AGPAT4: variants seen among roughly 807,000 people sequenced by gnomAD.
AGPAT4 encodes 1-acyl-sn-glycerol-3-phosphate acyltransferase delta.
Under a neutral mutation model 48.0 loss-of-function variants are expected in AGPAT4, and 15 were observed. The observed-to-expected ratio is 0.31, with a 90% CI of 0.21 to 0.48. The LOEUF is 0.48. Among genes scored for constraint, AGPAT4 ranks in the 20% least tolerant of loss-of-function variants. The pLI, the probability that AGPAT4 is intolerant of heterozygous loss-of-function variation, is 0.99. For synonymous variants in AGPAT4, 178 were observed against 198.7 expected (o/e 0.90, Z 0.88); for missense variants, 314 against 482.5 (o/e 0.65, Z 3.27).
chr6:161,248,308 C>T (rs1326732371), intron 1 of AGPAT4, among the ~76,000 whole-genome samples: 1 of 152,136 alleles, frequency 6.6e-6, no homozygotes, highest in African/African-American at 2.4e-5. Flanking sequence ...GGCGCGGTGG[C>T]TCACGCCTGT....
rs1177600434 is a variant in AGPAT4, at chr6:161,140,933, C to T, written c.844-1313G>A. Among the ~76,000 whole-genome samples the T allele has an allele frequency of 3.9e-5, 6 of 152,220 alleles. No individual in the cohort carries two copies. Among genetic ancestry groups the T allele is most frequent in the African/African-American group, 1.4e-4 (6 of 41,454 alleles). ...GTCCCATGAACTAGCCTAGTAATGT[C>T]CCAGTTCTCTAAGGAGTCGAGTTTT... On this transcript the variant is annotated intron_variant, in intron 7 of 8. Transcript: ENST00000320285. This position sits in a 1 kb window ranked among gnomAD's most constrained non-coding sequence, Gnocchi z 6.5.
intron 2 of AGPAT4, among the ~76,000 whole-genome samples, chr6:161,191,399 T>C (rs951836782): frequency 2.0e-5 from 3 of 152,164 alleles, no homozygotes; most frequent in African/African-American, 7.2e-5. Context: ...AATAATACCA[T>C]TGCCATATAA....
In AGPAT4 at chr6:161,216,963, C is replaced by G. The variant is rs922559893; in HGVS notation, c.178+15073G>C. Among the ~76,000 whole-genome samples the G allele has an allele frequency of 6.6e-6, 1 of 152,336 alleles. No individual in the cohort carries two copies. The highest frequency in any genetic ancestry group is 1.5e-5 in the Non-Finnish European group (1 of 68,040). On this transcript the variant is annotated intron_variant, in intron 2 of 8. Transcript: ENST00000320285. This position sits in a 1 kb window ranked among gnomAD's most constrained non-coding sequence, Gnocchi z 4.8. ...AATCCCTGCTTCTGTCTTAATTTGACTTTCCCCTCACACGTGGCTCTGATT... is the reference window on the plus strand; with the variant it reads ...AATCCCTGCTTCTGTCTTAATTTGAGTTTCCCCTCACACGTGGCTCTGATT...
Position 161,139,661 on chromosome 6 carries a change from C to T in AGPAT4, c.844-41G>A, listed in dbSNP as rs779673784. The T allele has an allele frequency of 2.8e-5, 43 of 1,533,856 alleles. No individual in the cohort carries two copies. Among genetic ancestry groups the T allele is most frequent in the Non-Finnish European group, 3.5e-5 (40 of 1,131,654 alleles). The stretch of plus-strand genomic sequence containing the variant: ...GAGGACCCTCAGACGCCACACGGGG[C>T]TCGGTGGCAGGTCCCTCCCGAGGCC... On this transcript the variant is annotated intron_variant, in intron 7 of 8. Transcript: ENST00000320285. This position sits in a 1 kb window ranked among gnomAD's most constrained non-coding sequence, Gnocchi z 9.1.
chr6:161,177,719 A>C lies in AGPAT4; in HGVS notation c.179-11302T>G, dbSNP rs1187271528. 6.6e-6 allele frequency among the ~76,000 whole-genome samples: 1 copy of C among 152,206 alleles called. No homozygotes were observed. The highest frequency in any genetic ancestry group is 2.4e-5 in the African/African-American group (1 of 41,454). ...AGGAGCTGCATTCCTTTGGAGTAGA[A>C]GAGGCACTCTGATTTTTAGAATTTT... is the stretch of plus-strand genomic sequence containing the variant. On this transcript the variant is annotated intron_variant, in intron 2 of 8. Coordinates refer to ENST00000320285, the MANE Select transcript of AGPAT4 (RefSeq NM_020133.3). The surrounding 1 kb of genome is among the most constrained non-coding windows in gnomAD (Gnocchi z 5.0).
At chr6:161,186,380 T>C (rs1476583952) in intron 2 of AGPAT4, among the ~76,000 whole-genome samples, 1 of 152,142 alleles carries the variant, frequency 6.6e-6, no homozygotes, top group African/African-American at 2.4e-5. Flanking sequence ...TGCAGCCACA[T>C]GGTATGTTTC....
In AGPAT4 at chr6:161,216,749, C is replaced by G. The variant is rs557606272; in HGVS notation, c.178+15287G>C. Among the ~76,000 whole-genome samples the G allele has an allele frequency of 2.2e-4, 34 of 152,266 alleles. No homozygotes were observed. The highest frequency in any genetic ancestry group is 7.5e-4 in the African/African-American group (31 of 41,544). On this transcript the variant is annotated intron_variant, in intron 2 of 8. Coordinates refer to ENST00000320285, the MANE Select transcript of AGPAT4 (RefSeq NM_020133.3). The surrounding 1 kb of genome is among the most constrained non-coding windows in gnomAD (Gnocchi z 4.8). ...ACAGCAAGAGAAAATGAGAAAGAAG[C>G]AAAAGCGGAGACCCCTGATAAACCC...
intron 3 of AGPAT4, among the ~76,000 whole-genome samples, chr6:161,157,129 A>C (rs1323617684): frequency 2.0e-5 from 3 of 152,208 alleles, no homozygotes; most frequent in Non-Finnish European, 2.9e-5. Flanking sequence ...GGTCTGCCTG[A>C]CCAAGCTGGT....
rs1478911374 is a variant in AGPAT4 at position 161,201,885 on chromosome 6, T to C, written c.178+30151A>G. ...CCCGTAATTCTTTTCCCATTTCCAGTGTTCTTGGATATGCCAATGTTCACA... is the reference window on the plus strand; with the variant it reads ...CCCGTAATTCTTTTCCCATTTCCAGCGTTCTTGGATATGCCAATGTTCACA... On this transcript the variant is annotated intron_variant, in intron 2 of 8. Coordinates refer to ENST00000320285, the MANE Select transcript of AGPAT4 (RefSeq NM_020133.3). The surrounding 1 kb of genome is among the most constrained non-coding windows in gnomAD (Gnocchi z 6.0). Among the ~76,000 whole-genome samples, 1 of 152,212 alleles carries C rather than the reference T, an allele frequency of 6.6e-6. No homozygotes were observed. Among genetic ancestry groups the C allele is most frequent in the African/African-American group, 2.4e-5 (1 of 41,448 alleles).
In AGPAT4 at chr6:161,198,988, G is replaced by A. The variant is rs141216173; in HGVS notation, c.179-32571C>T. 3.9e-4 allele frequency among the ~76,000 whole-genome samples: 59 copies of A among 152,090 alleles called. No homozygotes were observed. In the East Asian group the frequency reaches 0.01, roughly 27 times the overall value. ...AGATTTGCTTGTTGAAATTCATGAT[G>A]CAATAAGCCTTTGGGACAGATTACG... On this transcript the variant is annotated intron_variant, in intron 2 of 8. Transcript: ENST00000320285. The surrounding 1 kb of genome is among the most constrained non-coding windows in gnomAD (Gnocchi z 4.3).
Position 161,137,868 on chromosome 6 carries a change from G to A in AGPAT4, c.1043-1234C>T, listed in dbSNP as rs761385949. On this transcript the variant is annotated intron_variant, in intron 8 of 8. Transcript: ENST00000320285. This position sits in a 1 kb window ranked among gnomAD's most constrained non-coding sequence, Gnocchi z 6.1. The stretch of plus-strand genomic sequence containing the variant: ...CCTCAGATGCTCCTGAAGACTCCCT[G>A]TGTCCATACTGCACCCCTCAGATGC... Among the ~76,000 whole-genome samples the A allele has an allele frequency of 3.3e-5, 5 of 151,928 alleles. No homozygotes were observed. The highest frequency in any genetic ancestry group is 6.6e-5 in the Admixed American group (1 of 15,260).
chr6:161,240,253 CA>C lies in AGPAT4; in HGVS notation c.-89-7952del, dbSNP rs1782448271. Among the ~76,000 whole-genome samples the C allele has an allele frequency of 6.9e-6, 1 of 144,504 alleles. No individual in the cohort carries two copies. Among genetic ancestry groups the C allele is most frequent in the African/African-American group, 2.6e-5 (1 of 39,038 alleles). 94.8% of individuals were successfully genotyped at this position (144,504 alleles called of 152,430 possible). ...ACACACACACACACACACACACACA[CA>C]CACACACACACACTTAAACAAGTCT... is the stretch of plus-strand genomic sequence containing the variant. On this transcript the variant is annotated intron_variant, in intron 1 of 8. Transcript: ENST00000320285. The surrounding 1 kb of genome is among the most constrained non-coding windows in gnomAD (Gnocchi z 5.5).
Position 161,136,310 on chromosome 6 carries a change from C to A in AGPAT4, c.*230G>T, listed in dbSNP as rs185847186. 3.8e-4 allele frequency: 208 copies of A among 542,862 alleles called. 1 individual carries two copies. The East Asian group carries it at 6.4e-3, about 17-fold the overall frequency. The allele number at this position is 542,862 out of a possible 1,614,324, so 33.6% of individuals were successfully genotyped here. Reference sequence around the variant, plus strand: ...CACCACACAGCCATTCTCACACACACTCGCACAAAAAGAAAACCAAAGCCC... The same window carrying A: ...CACCACACAGCCATTCTCACACACAATCGCACAAAAAGAAAACCAAAGCCC... On this transcript the variant is annotated 3_prime_UTR_variant, in exon 9 of 9. Coordinates refer to ENST00000320285, the MANE Select transcript of AGPAT4 (RefSeq NM_020133.3).
rs1191891691 is a variant in AGPAT4 at position 161,251,212 on chromosome 6, A to ATTTTTGGTT, written c.-89-18919_-89-18911dup. Reference sequence around the variant, plus strand: ...TAGCTACTCAATCCATCTTACACTTATTTTTGGTTACAGTCCTCTGTGAAG... The same window carrying ATTTTTGGTT: ...TAGCTACTCAATCCATCTTACACTTATTTTTGGTTTTTTTGGTTACAGTCCTCTGTGAAG... On this transcript the variant is annotated intron_variant, in intron 1 of 8. Coordinates refer to ENST00000320285, the MANE Select transcript of AGPAT4 (RefSeq NM_020133.3). This position sits in a 1 kb window ranked among gnomAD's most constrained non-coding sequence, Gnocchi z 4.6. Among the ~76,000 whole-genome samples, 2 of 152,122 alleles carry ATTTTTGGTT rather than the reference A, an allele frequency of 1.3e-5. No individual in the cohort carries two copies. Among genetic ancestry groups the ATTTTTGGTT allele is most frequent in the Non-Finnish European group, 2.9e-5 (2 of 68,026 alleles).
chr6:161,167,892 A>G (rs1780151410), intron 2 of AGPAT4, among the ~76,000 whole-genome samples: 1 of 152,226 alleles, frequency 6.6e-6, no homozygotes. Context: ...CGTAGAGCAC[A>G]TTGTAAGTTC....
Position 161,140,035 on chromosome 6 carries a change from G to A in AGPAT4, c.844-415C>T, listed in dbSNP as rs1256567293. Among the ~76,000 whole-genome samples the A allele has an allele frequency of 3.3e-5, 5 of 152,218 alleles. No individual in the cohort carries two copies. The highest frequency in any genetic ancestry group is 1.9e-4 in the East Asian group (1 of 5,184). On this transcript the variant is annotated intron_variant, in intron 7 of 8. Transcript: ENST00000320285. This position sits in a 1 kb window ranked among gnomAD's most constrained non-coding sequence, Gnocchi z 6.5. ...AGTGGATGCTGCGCCGAAGCTGCCC[G>A]CAGGGGACACTCGGTGGAGACCTGG...
chr6:161,169,929 G>A lies in AGPAT4; in HGVS notation c.179-3512C>T, dbSNP rs192529500. 9.7e-4 allele frequency among the ~76,000 whole-genome samples: 148 copies of A among 152,184 alleles called. No individual in the cohort carries two copies. The highest frequency in any genetic ancestry group is 3.3e-3 in the African/African-American group (136 of 41,524). ...TGTTTTTGCTGATCTGCTGATTCAC[G>A]TCTTCAGCACAAAGCAGCGGCTAGG... On this transcript the variant is annotated intron_variant, in intron 2 of 8. Coordinates refer to ENST00000320285, the MANE Select transcript of AGPAT4 (RefSeq NM_020133.3). The surrounding 1 kb of genome is among the most constrained non-coding windows in gnomAD (Gnocchi z 5.0).
In AGPAT4 at chr6:161,140,332, C is replaced by T. The variant is rs1779209768; in HGVS notation, c.844-712G>A. Among the ~76,000 whole-genome samples, 1 of 152,226 alleles carries T rather than the reference C, an allele frequency of 6.6e-6. No homozygotes were observed. The highest frequency in any genetic ancestry group is 1.9e-4 in the East Asian group (1 of 5,190). On this transcript the variant is annotated intron_variant, in intron 7 of 8. Transcript: ENST00000320285. This position sits in a 1 kb window ranked among gnomAD's most constrained non-coding sequence, Gnocchi z 6.5. ...ACCGTGTGAAAGGTAAACAAACAGGCTCATGTCCTTCCACTAAGCAGATCC... is the reference window on the plus strand; with the variant it reads ...ACCGTGTGAAAGGTAAACAAACAGGTTCATGTCCTTCCACTAAGCAGATCC...
chr6:161,264,808 G>A lies in AGPAT4; in HGVS notation c.-90+9130C>T, dbSNP rs1284096617. On this transcript the variant is annotated intron_variant, in intron 1 of 8. Coordinates refer to ENST00000320285, the MANE Select transcript of AGPAT4 (RefSeq NM_020133.3). The surrounding 1 kb of genome is among the most constrained non-coding windows in gnomAD (Gnocchi z 6.8). The stretch of plus-strand genomic sequence containing the variant: ...CCTGAAAGCGAGAAGGGAGAAGCGA[G>A]ATGGGAAGATAAAAGGGAGGGACAC... 1.3e-5 allele frequency among the ~76,000 whole-genome samples: 2 copies of A among 152,150 alleles called. No homozygotes were observed. Among genetic ancestry groups the A allele is most frequent in the Admixed American group, 6.5e-5 (1 of 15,280 alleles).
Sources: allele counts gnomAD v4.1 joint callset (sites outside exome capture counted in the v4.1 genomes callset), GRCh38; gene constraint gnomAD v4.1.1; non-coding constraint Gnocchi (gnomAD v3.1); transcripts MANE v1.5; gene names NCBI Gene and HGNC (gene_info 2026-07-23, HGNC 2026-07-21).